SBF2: variants seen among roughly 807,000 people sequenced by gnomAD.
SBF2 encodes myotubularin-related protein 13.
In SBF2, 112 loss-of-function variants were observed where a neutral mutation model predicts 225.2. The observed-to-expected ratio is 0.50, with a 90% confidence interval of 0.43 to 0.58. The LOEUF (loss-of-function observed/expected upper bound fraction) is 0.58, where lower values mean the gene tolerates loss of function less well. SBF2 is among the 20% of genes least tolerant of loss of function. The pLI, the probability that SBF2 is intolerant of heterozygous loss-of-function variation, is 0.00. For missense variants in SBF2, 1,996 were observed against 2,206.2 expected (o/e 0.90, Z 1.91); for synonymous variants, 763 against 773.3 (o/e 0.99, Z 0.22).
At chr11:9,894,903 A>G (rs1268002984) in intron 17 of SBF2, among the ~76,000 whole-genome samples, 1 of 151,948 alleles carries the variant, frequency 6.6e-6, no homozygotes, top group African/African-American at 2.4e-5. Context: ...AATCACTTGA[A>G]CATGGGAGGA....
intron 2 of SBF2, among the ~76,000 whole-genome samples, chr11:10,133,438 G>A (rs1455040438): frequency 4.7e-5 from 7 of 147,590 alleles, no homozygotes; most frequent in East Asian, 4.4e-4. Context: ...TGCAGGTCCC[G>A]AGCCCTGCCC....
chr11:10,192,085 T>C (rs1452754023), intron 2 of SBF2, among the ~76,000 whole-genome samples: 2 of 152,250 alleles, frequency 1.3e-5, no homozygotes, highest in Middle Eastern at 3.4e-3. Context: ...AAATTTCCCC[T>C]CAATCACACT....
Position 10,021,384 on chromosome 11 carries a change from T to C in SBF2, c.619+7068A>G, listed in dbSNP as rs962165701. Among the ~76,000 whole-genome samples the C allele has an allele frequency of 3.3e-5, 5 of 152,176 alleles. No homozygotes were observed. In the East Asian group the frequency reaches 9.7e-4, roughly 29 times the overall value. On this transcript the variant is annotated intron_variant, in intron 6 of 39. Coordinates refer to ENST00000256190, the MANE Select transcript of SBF2 (RefSeq NM_030962.4). ...TTAACATTAAAAATCCCAGCATTGT[T>C]AGTACACTTAAAACACTAATCCTCA...
intron 16 of SBF2, among the ~76,000 whole-genome samples, chr11:9,942,625 T>A (rs1050185466): frequency 6.6e-6 from 1 of 152,064 alleles, no homozygotes; most frequent in African/African-American, 2.4e-5. Context: ...AAACTTTAAT[T>A]AAGACTATGT....
intron 6 of SBF2, among the ~76,000 whole-genome samples, chr11:10,004,564 C>A: frequency 8.9e-6 from 1 of 111,896 alleles, no homozygotes; most frequent in Admixed American, 1.0e-4. Context: ...AGTAAGATAG[C>A]TACAAAAATT....
At chr11:10,264,208 A>C (rs1053958795) in intron 1 of SBF2, among the ~76,000 whole-genome samples, 1 of 152,168 alleles carries the variant, frequency 6.6e-6, no homozygotes, top group African/African-American at 2.4e-5. Flanking sequence ...TCCCACTCCT[A>C]TCAGTAACTG....
rs147416213 is a variant in SBF2, at chr11:10,157,023, C to T, written c.141+36879G>A. ...TGCTACTCAACTTCAAACTACACTA[C>T]GGGGCTACAGTAACCAAAACAGCAT... On this transcript the variant is annotated intron_variant, in intron 2 of 39. Coordinates refer to ENST00000256190, the MANE Select transcript of SBF2 (RefSeq NM_030962.4). 2.5e-3 allele frequency among the ~76,000 whole-genome samples: 380 copies of T among 152,268 alleles called. 4 individuals are homozygous for T. The highest frequency in any genetic ancestry group is 8.7e-3 in the African/African-American group (362 of 41,552).
chr11:9,967,387 A>AGAAAC (rs1381953565), intron 14 of SBF2, among the ~76,000 whole-genome samples: 8 of 149,506 alleles, frequency 5.4e-5, no homozygotes, highest in African/African-American at 2.0e-4. Context: ...AAAAAAAAAA[A>AGAAAC]GAAACGAAAT....
At chr11:9,907,975 G>A (rs1181068183) in intron 16 of SBF2, among the ~76,000 whole-genome samples, 1 of 152,194 alleles carries the variant, frequency 6.6e-6, no homozygotes, top group African/African-American at 2.4e-5. Flanking sequence ...ATTTGAACCT[G>A]GATAGTCTTA....
chr11:9,990,979 T>G (rs993189466), intron 12 of SBF2, among the ~76,000 whole-genome samples: 1 of 152,166 alleles, frequency 6.6e-6, no homozygotes, highest in Non-Finnish European at 1.5e-5. Flanking sequence ...TTAGTTGTGA[T>G]GAAGCTGTCA....
At chr11:9,852,997 A>C (rs1457400533) in intron 20 of SBF2, among the ~76,000 whole-genome samples, 1 of 152,196 alleles carries the variant, frequency 6.6e-6, no homozygotes, top group Non-Finnish European at 1.5e-5. Context: ...GGGAGGGAGA[A>C]GTAACTCAAA....
intron 2 of SBF2, among the ~76,000 whole-genome samples, chr11:10,123,667 C>G (rs1953593433): frequency 6.6e-6 from 1 of 151,484 alleles, no homozygotes; most frequent in South Asian, 2.1e-4. Context: ...CTAGTCTTGA[C>G]TATAAAGTCT....
In SBF2 at chr11:9,832,225, G is replaced by A. The variant is rs550913752; in HGVS notation, c.3651C>T (p.Ala1217=). 16 of 1,613,248 alleles carry A rather than the reference G, an allele frequency of 9.9e-6. No homozygotes were observed. Among genetic ancestry groups the A allele is most frequent in the East Asian group, 2.2e-5 (1 of 44,880 alleles). Residue 1217 remains alanine (A), a splice_region_variant and synonymous_variant, in exon 27 of 40, where the codon GCC becomes GCT. Transcript: ENST00000256190. ...ATTGTGTTATAGAGAGATGCTTACCGGCCTGAGGGGAGTTCTGAGATTTGA... is the reference window on the plus strand; with the variant it reads ...ATTGTGTTATAGAGAGATGCTTACCAGCCTGAGGGGAGTTCTGAGATTTGA... ...GLFKSQNSPQ[A]APTSSLESSS...
chr11:10,202,878 C>CAACAACTAAAAA (rs1033665824), intron 1 of SBF2, among the ~76,000 whole-genome samples: 7 of 152,192 alleles, frequency 4.6e-5, no homozygotes, highest in African/African-American at 1.7e-4. Flanking sequence ...CTCCAACCTA[C>CAACAACTAAAAA]AACAACTAAA....
intron 17 of SBF2, among the ~76,000 whole-genome samples, chr11:9,864,180 A>G (rs1483312010): frequency 6.6e-6 from 1 of 152,212 alleles, no homozygotes; most frequent in Non-Finnish European, 1.5e-5. Context: ...GACTATAAGC[A>G]TCTTCTACAG....
intron 8 of SBF2, among the ~76,000 whole-genome samples, chr11:9,999,531 A>T (rs1439069361): frequency 6.6e-6 from 1 of 152,100 alleles, no homozygotes; most frequent in African/African-American, 2.4e-5. Flanking sequence ...CATGTTGGCC[A>T]GGGTGGTCTC....
chr11:9,923,297 C>T (rs1863775774), intron 16 of SBF2, among the ~76,000 whole-genome samples: 1 of 147,832 alleles, frequency 6.8e-6, no homozygotes, highest in African/African-American at 2.5e-5. Flanking sequence ...ATTTTGGTTA[C>T]ACCCTAGTTA....
chr11:10,243,576 G>GA (rs1423090275), intron 1 of SBF2, among the ~76,000 whole-genome samples: 3 of 151,204 alleles, frequency 2.0e-5, no homozygotes, highest in African/African-American at 2.4e-5. Flanking sequence ...TAGACTAAGA[G>GA]AAAAAAAACA....
intron 1 of SBF2, among the ~76,000 whole-genome samples, chr11:10,212,405 G>A (rs571437030): frequency 2.0e-5 from 3 of 152,110 alleles, no homozygotes; most frequent in African/African-American, 7.2e-5. Context: ...TGAACAGTTA[G>A]GCTTGTAAAT....
Sources: gnomAD v4.1 joint callset for allele counts (sites outside exome capture counted in the v4.1 genomes callset) on GRCh38, gnomAD v4.1.1 for gene constraint, MANE v1.5 for transcripts, NCBI Gene and HGNC (gene_info 2026-07-23, HGNC 2026-07-21) for gene names.